The following LRRIQ1 variants were observed in gnomAD, a reference collection of about 807,000 sequenced individuals.
LRRIQ1 encodes the protein leucine-rich repeat- and IQ domain-containing protein 1.
A neutral mutation model predicts 211.9 loss-of-function variants in LRRIQ1; 210 were observed. The observed-to-expected ratio is 0.99, with a 90% CI of 0.89 to 1.11. The LOEUF is 1.11. Ranked by LOEUF, LRRIQ1 falls within the 50% of genes most tolerant of loss-of-function variation. The pLI is 0.00. For synonymous variants in LRRIQ1, 699 were observed against 650.1 expected (o/e 1.08, Z -1.14); for missense variants, 2,136 against 1,939.5 (o/e 1.10, Z -1.90).
intron 1 of LRRIQ1, among the ~76,000 whole-genome samples, chr12:85,262,754 AC>A (rs1028274418): frequency 6.6e-6 from 1 of 152,162 alleles, no homozygotes; most frequent in Non-Finnish European, 1.5e-5. Flanking sequence ...ATACAGTATT[AC>A]TTTGTAAACA....
downstream of LRRIQ1, among the ~76,000 whole-genome samples, chr12:85,268,263 T>C (rs1896464067): frequency 6.6e-6 from 1 of 152,006 alleles, no homozygotes; most frequent in African/African-American, 2.4e-5. Context: ...GCCTCTTCCA[T>C]TGTAAGTGTG....
At chr12:85,088,474 T>A (rs1885060779) in intron 11 of LRRIQ1, among the ~76,000 whole-genome samples, 1 of 152,206 alleles carries the variant, frequency 6.6e-6, no homozygotes, top group Non-Finnish European at 1.5e-5. Flanking sequence ...TTTTTCCAAT[T>A]CTGTGAAGAA....
At chr12:85,042,680 T>C (rs954691096) in intron 3 of LRRIQ1, among the ~76,000 whole-genome samples, 3 of 151,428 alleles carry the variant, frequency 2.0e-5, no homozygotes, top group Admixed American at 6.6e-5. Flanking sequence ...AAAATTAAAT[T>C]AATGATTTTT....
chr12:85,073,391 T>C (rs567129019), intron 11 of LRRIQ1, among the ~76,000 whole-genome samples: 1 of 152,194 alleles, frequency 6.6e-6, no homozygotes, highest in African/African-American at 2.4e-5. Context: ...ACAAATATTT[T>C]TACTTTAAAA....
intron 15 of LRRIQ1, among the ~76,000 whole-genome samples, chr12:85,118,270 A>G (rs1169973880): frequency 1.3e-5 from 2 of 152,046 alleles, no homozygotes; most frequent in Non-Finnish European, 2.9e-5. Context: ...AAATATATGG[A>G]CTCATATTTT....
chr12:85,055,487 A>G (rs1880879624), intron 7 of LRRIQ1, 60 bp from the exon 8 acceptor site: 21 of 1,268,580 alleles, frequency 1.7e-5, no homozygotes, highest in Non-Finnish European at 2.1e-5. Context: ...TTCAGATGAC[A>G]TTTTAGTAAC....
intron 7 of LRRIQ1, among the ~76,000 whole-genome samples, chr12:85,054,697 T>C (rs757426217): frequency 2.2e-4 from 34 of 152,176 alleles, no homozygotes; most frequent in South Asian, 2.1e-4. Flanking sequence ...CTATTTTGAT[T>C]ATTGGTTTAA....
In LRRIQ1 at chr12:85,045,208, A is replaced by G. The variant is rs111448451; in HGVS notation, c.336+399A>G. On this transcript the variant is annotated intron_variant, in intron 4 of 26. Coordinates refer to ENST00000393217, the MANE Select transcript of LRRIQ1 (RefSeq NM_001079910.2). ...AAAATTTAAATTTACAATACTTTAT[A>G]GTAGTTTTTAGAAACAAATAAAAGA... Among the ~76,000 whole-genome samples, 1,029 of 152,070 alleles carry G rather than the reference A, an allele frequency of 6.8e-3. 16 individuals carry two copies. Among genetic ancestry groups the G allele is most frequent in the African/African-American group, 0.023 (967 of 41,574 alleles).
chr12:85,262,779 C>T (rs967252210), intron 1 of LRRIQ1: 2 of 253,930 alleles, frequency 7.9e-6, no homozygotes, highest in African/African-American at 4.6e-5. Flanking sequence ...ATAAGCTCAA[C>T]AAAGATACGT....
chr12:85,102,962 ATATATAT>A (rs1886494540), intron 13 of LRRIQ1, among the ~76,000 whole-genome samples: 1 of 95,878 alleles, frequency 1.0e-5, no homozygotes, highest in South Asian at 3.5e-4. Context: ...AAAAAAAAAT[ATATATAT>A]ATATATATAT....
In LRRIQ1 at chr12:85,055,717, A is replaced by G. The variant is rs771706904; in HGVS notation, c.924A>G (p.Lys308=). ...VAYQKYGPII[K]EQIESKKRKA... ...ATCAAAAATATGGCCCAATTATTAA[A>G]GAGCAAATTGAAAGTAAGAAAAGGA... is the stretch of plus-strand genomic sequence containing the variant. Residue 308 remains lysine (K), a synonymous_variant, in exon 8 of 27, where the codon AAA becomes AAG. Coordinates refer to ENST00000393217, the MANE Select transcript of LRRIQ1 (RefSeq NM_001079910.2). 6.2e-7 allele frequency: 1 copy of G among 1,607,936 alleles called. No individual in the cohort carries two copies. Among genetic ancestry groups the G allele is most frequent in the Non-Finnish European group, 8.5e-7 (1 of 1,178,148 alleles).
In LRRIQ1 at chr12:85,056,886, C is replaced by T; in HGVS notation, c.2093C>T (p.Ser698Phe). ...TATAATGCAGAAAGCTCCATGGTATCTAAAGAAGTCAACTCTCTTAAATCT... is the reference window on the plus strand; with the variant it reads ...TATAATGCAGAAAGCTCCATGGTATTTAAAGAAGTCAACTCTCTTAAATCT... The part of the protein sequence containing the change: ...SNYNAESSMV[S>F]KEVNSLKSEI... The change falls in exon 8 of 27, where the codon TCT (serine) becomes TTT (phenylalanine). Residue 698 changes from serine to phenylalanine, a missense_variant. Transcript: ENST00000393217. The T allele has an allele frequency of 6.2e-7, 1 of 1,613,430 alleles. No individual in the cohort carries two copies. Among genetic ancestry groups the T allele is most frequent in the Non-Finnish European group, 8.5e-7 (1 of 1,179,616 alleles).
intron 13 of LRRIQ1, among the ~76,000 whole-genome samples, chr12:85,102,133 T>TTA (rs900796426): frequency 2.0e-5 from 3 of 151,526 alleles, no homozygotes; most frequent in South Asian, 2.1e-4. Context: ...TGAATTATAT[T>TTA]TATATATATA....
intron 15 of LRRIQ1, among the ~76,000 whole-genome samples, chr12:85,110,533 C>A (rs376868063): frequency 5.9e-5 from 9 of 152,224 alleles, no homozygotes; most frequent in African/African-American, 2.2e-4. Context: ...GCTGCAAAAT[C>A]TACGCTTGTA....
rs1888489026 is a variant in LRRIQ1 at position 85,127,927 on chromosome 12, G to T, written c.4103G>T (p.Gly1368Val). The change falls in exon 18 of 27, where the codon GGC becomes GTC. Residue 1368 changes from glycine to valine, a missense_variant. Physicochemically the swap from Gly to Val is moderately radical, Grantham distance 109. Transcript: ENST00000393217. The part of the protein sequence containing the change: ...STRLHTAATE[G>V]LPNSSIKNQT... ...AGGCTACATACTGCTGCAACAGAAGGCCTGCCAAATTCTTCCATCAAGAAT... is the reference window on the plus strand; with the variant it reads ...AGGCTACATACTGCTGCAACAGAAGTCCTGCCAAATTCTTCCATCAAGAAT... 6.2e-7 allele frequency: 1 copy of T among 1,613,942 alleles called. No homozygotes were observed. Among genetic ancestry groups the T allele is most frequent in the East Asian group, 2.2e-5 (1 of 44,838 alleles).
chr12:85,161,387 A>T (rs1196926114), intron 24 of LRRIQ1, among the ~76,000 whole-genome samples: 1 of 152,002 alleles, frequency 6.6e-6, no homozygotes, highest in Non-Finnish European at 1.5e-5. Flanking sequence ...ATACTAAAAA[A>T]TTGTACTACT....
chr12:85,092,466 G>T (rs546010032), intron 11 of LRRIQ1, among the ~76,000 whole-genome samples: 1 of 152,106 alleles, frequency 6.6e-6, no homozygotes, highest in Non-Finnish European at 1.5e-5. Context: ...AAACATCACC[G>T]GAGAGTTTAT....
At chr12:85,250,918 T>TTATATATTATATATTATATATAA (rs1895912600) in intron 1 of LRRIQ1, among the ~76,000 whole-genome samples, 2 of 78,282 alleles carry the variant, frequency 2.6e-5, no homozygotes, top group African/African-American at 1.0e-4. Flanking sequence ...ATAATATATT[T>TTATATATTATATATTATATATAA]TATATATTAT....
intron 24 of LRRIQ1, among the ~76,000 whole-genome samples, chr12:85,171,638 A>G (rs986242717): frequency 6.6e-6 from 1 of 152,200 alleles, no homozygotes; most frequent in African/African-American, 2.4e-5. Flanking sequence ...TGAAGCCTTG[A>G]TGTCCAATTT....
Sources: allele counts gnomAD v4.1 joint callset (sites outside exome capture counted in the v4.1 genomes callset), GRCh38; gene constraint gnomAD v4.1.1; transcripts MANE v1.5; gene names NCBI Gene and HGNC (gene_info 2026-07-23, HGNC 2026-07-21).